The following COQ8B variants were observed in gnomAD, a reference collection of about 807,000 sequenced individuals.
COQ8B encodes the protein coenzyme Q8B, also known as atypical kinase COQ8B, mitochondrial.
In COQ8B, 44 loss-of-function variants were observed where a neutral mutation model predicts 62.0. The ratio of observed to expected loss-of-function variants is 0.71; its 90% confidence interval spans 0.56 to 0.91. The LOEUF (loss-of-function observed/expected upper bound fraction) is 0.91, where lower values mean the gene tolerates loss of function less well. COQ8B is among the 40% of genes least tolerant of loss of function. COQ8B has a pLI of 0.00. For missense variants in COQ8B, 649 were observed against 731.6 expected, an observed-to-expected ratio of 0.89 and a Z score of 1.30; for synonymous variants, 252 against 289.9, an observed-to-expected ratio of 0.87 and a Z score of 1.33.
chr19:40,708,306 C>T (rs1428981943), intron 5 of COQ8B: 1 of 151,898 alleles, frequency 6.6e-6, no homozygotes, highest in East Asian at 1.9e-4. Context: ...AGCCATGACT[C>T]ACCACTGCAC....
Position 40,705,237 on chromosome 19 carries a change from G to A in COQ8B, c.491-56C>T, listed in dbSNP as rs79156288. 0.031 allele frequency: 49,660 copies of A among 1,598,280 alleles called. 857 individuals carry two copies. Among genetic ancestry groups the A allele is most frequent in the Non-Finnish European group, 0.036 (42,128 of 1,168,246 alleles). On this transcript the variant is annotated intron_variant, in intron 6 of 14. Transcript: ENST00000324464. ...AAGCGAAGAGGTGAGGAGGGACCCC[G>A]TGTGAGTATCTGAAGTTGGGGCCTG...
At position 40,703,272 on chromosome 19, in the gene COQ8B, C is replaced by T. The variant is rs2288450; in HGVS notation, c.799+269G>A. The stretch of plus-strand genomic sequence containing the variant: ...CTCTGCCGCACCTACAATCCCGCTC[C>T]CTGCATGCACACCCTCTGAGAGTCT... On this transcript the variant is annotated intron_variant, in intron 9 of 14. Coordinates refer to ENST00000324464, the MANE Select transcript of COQ8B (RefSeq NM_024876.4). 0.11 allele frequency: 51,195 copies of T among 449,214 alleles called. 3,363 individuals are homozygous for T. The highest frequency in any genetic ancestry group is 0.15 in the Admixed American group (3,788 of 24,990). The allele number at this position is 449,214 out of a possible 1,614,324, so 27.8% of individuals were successfully genotyped here.
At chr19:40,708,116 CTCTG>C (rs2082114764) in intron 5 of COQ8B, 1 of 152,130 alleles carries the variant, frequency 6.6e-6, no homozygotes, top group Admixed American at 6.6e-5. Flanking sequence ...TGCTAATTTT[CTCTG>C]TCTCATTCCA....
At chr19:40,711,816 C>G (rs1463402524) in intron 4 of COQ8B, among the ~76,000 whole-genome samples, 1 of 152,148 alleles carries the variant, frequency 6.6e-6, no homozygotes, top group Non-Finnish European at 1.5e-5. Flanking sequence ...GAGGTCTCCA[C>G]CTTCATAAAA....
chr19:40,706,311 G>A (rs1751713958), intron 5 of COQ8B, among the ~76,000 whole-genome samples: 1 of 152,038 alleles, frequency 6.6e-6, no homozygotes, highest in Admixed American at 6.5e-5. Context: ...TATTTTTATC[G>A]TAACATTAAG....
rs1167714836 is a variant in COQ8B at position 40,714,597 on chromosome 19, G to T, written c.36C>A (p.Thr12=). ...WLKVGGLLRG[T]GGQLGQTVGW... Reference sequence around the variant, plus strand: ...CAACAGTCTGGCCCAGCTGTCCACCGGTCCCCCGAAGTAGGCCCCCCACCT... The same window carrying T: ...CAACAGTCTGGCCCAGCTGTCCACCTGTCCCCCGAAGTAGGCCCCCCACCT... The change falls in exon 2 of 15, where the codon ACC becomes ACA. Residue 12 remains threonine (T), a synonymous_variant. Coordinates refer to ENST00000324464, the MANE Select transcript of COQ8B (RefSeq NM_024876.4). 1 of 1,611,360 alleles carries T rather than the reference G, an allele frequency of 6.2e-7. No individual in the cohort carries two copies. The highest frequency in any genetic ancestry group is 1.1e-5 in the South Asian group (1 of 90,844).
At chr19:40,693,855 G>A (rs536253649) in intron 13 of COQ8B, among the ~76,000 whole-genome samples, 36 of 148,800 alleles carry the variant, frequency 2.4e-4, no homozygotes, top group African/African-American at 9.0e-4. Flanking sequence ...AAGCAGACCC[G>A]GAGTAGGGAG....
Position 40,703,862 on chromosome 19 carries a change from G to A in COQ8B, c.577-7C>T. ...GCTCCTCTTCAAGAACTCTCTGCGG[G>A]GAGTGGTCACAGCCATCATCATTGT... On this transcript the variant is annotated splice_polypyrimidine_tract_variant and splice_region_variant and intron_variant, in intron 7 of 14. Transcript: ENST00000324464. 1 of 1,604,140 alleles carries A rather than the reference G, an allele frequency of 6.2e-7. No individual in the cohort carries two copies. The highest frequency in any genetic ancestry group is 1.3e-5 in the African/African-American group (1 of 74,922).
Position 40,692,848 on chromosome 19 carries a change from G to C in COQ8B, c.1296+103C>G, listed in dbSNP as rs896298200. The stretch of plus-strand genomic sequence containing the variant: ...TAGAGTCCCCCAGTCCCCGGGTATC[G>C]ACATGCCCCATCACCTACTCGAGTT... On this transcript the variant is annotated intron_variant, in intron 14 of 14. Transcript: ENST00000324464. 30 of 978,300 alleles carry C rather than the reference G, an allele frequency of 3.1e-5. No homozygotes were observed. In the South Asian group the frequency reaches 4.5e-4, roughly 15 times the overall value. The allele number at this position is 978,300 out of a possible 1,614,324, so 60.6% of individuals were successfully genotyped here.
chr19:40,701,556 T>C (rs1393840078), intron 10 of COQ8B: 4 of 152,192 alleles, frequency 2.6e-5, no homozygotes, highest in Admixed American at 6.5e-5. Flanking sequence ...GGGGTTTGTA[T>C]TTTTGTCCTT....
At chr19:40,705,821 T>G (rs1033493966) in intron 5 of COQ8B, among the ~76,000 whole-genome samples, 2 of 151,028 alleles carry the variant, frequency 1.3e-5, no homozygotes, top group African/African-American at 4.9e-5. Context: ...TCCCAGCTAC[T>G]CAGGAGGCTG....
chr19:40,694,669 T>A (rs2082000152), intron 13 of COQ8B, among the ~76,000 whole-genome samples: 1 of 152,214 alleles, frequency 6.6e-6, no homozygotes, highest in African/African-American at 2.4e-5. Flanking sequence ...CACATCCAAG[T>A]CTGAGAAATG....
At chr19:40,699,420 T>C (rs2144691840) in intron 12 of COQ8B, among the ~76,000 whole-genome samples, 1 of 150,908 alleles carries the variant, frequency 6.6e-6, no homozygotes, top group East Asian at 2.0e-4. Flanking sequence ...CTGACCCATC[T>C]GGCCTGTGCT....
At chr19:40,702,811 C>A in intron 9 of COQ8B, 118 bp from the exon 10 acceptor site, 2 of 879,226 alleles carry the variant, frequency 2.3e-6, no homozygotes, top group Non-Finnish European at 1.8e-6. Flanking sequence ...CTACTCTAGG[C>A]CTGTGACCCA....
At position 40,703,571 on chromosome 19, in the gene COQ8B, C is replaced by A; in HGVS notation, c.769G>T (p.Val257Leu). ...IQSDVQNLLAVLKMSAALPAG... is the reference protein window; with the variant it reads ...IQSDVQNLLALLKMSAALPAG... ...GGCAGGGCCGCGCTCATCTTGAGTA[C>A]CGCCAGCAGGTTCTGGACATCGCTC... Residue 257 changes from valine to leucine, a missense_variant, in exon 9 of 15, where the codon GTA (valine) becomes TTA (leucine). By Grantham distance (32) the Val-to-Leu change is conservative (BLOSUM62 1). Transcript: ENST00000324464. The A allele has an allele frequency of 6.2e-7, 1 of 1,609,764 alleles. No individual in the cohort carries two copies. The highest frequency in any genetic ancestry group is 8.5e-7 in the Non-Finnish European group (1 of 1,177,054).
Position 40,692,376 on chromosome 19 carries a change from G to C in COQ8B, c.1297-3C>G, listed in dbSNP as rs1488547530. ...TCCACGTGGGCGTCGGAGAATGCCTGGGAGTGGGGGTGGGGGGAGAGCAAA... is the reference window on the plus strand; with the variant it reads ...TCCACGTGGGCGTCGGAGAATGCCTCGGAGTGGGGGTGGGGGGAGAGCAAA... On this transcript the variant is annotated splice_polypyrimidine_tract_variant and splice_region_variant and intron_variant, in intron 14 of 14. Coordinates refer to ENST00000324464, the MANE Select transcript of COQ8B (RefSeq NM_024876.4). 1.2e-6 allele frequency: 2 copies of C among 1,612,362 alleles called. No individual in the cohort carries two copies. Among genetic ancestry groups the C allele is most frequent in the South Asian group, 2.2e-5 (2 of 90,998 alleles).
Position 40,714,535 on chromosome 19 carries a change from C to G in COQ8B, c.98G>C (p.Arg33Pro). Residue 33 changes from arginine (R) to proline (P), a missense_variant, in exon 2 of 15, where the codon CGC (arginine) becomes CCC (proline). By Grantham distance (103) the Arg-to-Pro change is moderately radical. Coordinates refer to ENST00000324464, the MANE Select transcript of COQ8B (RefSeq NM_024876.4). The stretch of plus-strand genomic sequence containing the variant: ...ACCTGCTCCCTAGCCTCTTACCCAG[C>G]GGTGGGGCCCAGGCCCCAGGGCCCC... ...PCGALGPGPHRWGPCGGSWAQ... is the reference protein window; with the variant it reads ...PCGALGPGPHPWGPCGGSWAQ... 1 of 1,613,752 alleles carries G rather than the reference C, an allele frequency of 6.2e-7. No homozygotes were observed. Among genetic ancestry groups the G allele is most frequent in the Non-Finnish European group, 8.5e-7 (1 of 1,179,818 alleles).
In COQ8B at chr19:40,695,975, T is replaced by TG; in HGVS notation, c.1209+13dup. On this transcript the variant is annotated intron_variant, in intron 13 of 14. Transcript: ENST00000324464. ...TCAGCCTTTCAGAGGCCCTGGGGTC[T>TG]GGGGGAGACTCACCTCGATGTAATG... 1 of 1,614,110 alleles carries TG rather than the reference T, an allele frequency of 6.2e-7. No individual in the cohort carries two copies. The highest frequency in any genetic ancestry group is 8.5e-7 in the Non-Finnish European group (1 of 1,179,964).
At position 40,692,250 on chromosome 19, in the gene COQ8B, GCA is replaced by G; in HGVS notation, c.1418_1419del (p.Leu473ProfsTer89). On this transcript the variant is annotated frameshift_variant, in exon 15 of 15. Transcript: ENST00000324464. LOFTEE classifies it low-confidence loss of function (END_TRUNC). ...ARRIQDLIPV[L>X]LRHRLCPPPE... ...GGTGGGGGACACAGCCGGTGCCGCA[GCA>G]GCACCGGGATGAGGTCCTGTATGCG... 6.2e-7 allele frequency: 1 copy of G among 1,612,746 alleles called. No homozygotes were observed. The highest frequency in any genetic ancestry group is 8.5e-7 in the Non-Finnish European group (1 of 1,179,400).
Sources: allele counts gnomAD v4.1 joint callset (sites outside exome capture counted in the v4.1 genomes callset), GRCh38; gene constraint gnomAD v4.1.1; transcripts MANE v1.5; gene names NCBI Gene and HGNC (gene_info 2026-07-23, HGNC 2026-07-21).